CPNE4: variants seen among roughly 807,000 people sequenced by gnomAD.
CPNE4 encodes the protein copine-4.
In CPNE4, 25 loss-of-function variants were observed where a neutral mutation model predicts 67.9. The ratio of observed to expected loss-of-function variants is 0.37; its 90% CI spans 0.27 to 0.51. The LOEUF (loss-of-function observed/expected upper bound fraction) is 0.51, where lower values mean the gene tolerates loss of function less well. CPNE4 is among the 20% of genes least tolerant of loss of function. The probability of loss-of-function intolerance (pLI) is 0.93; values close to 1 mark genes in which losing one functional copy is unlikely to be tolerated. For synonymous variants in CPNE4, 242 were observed against 244.9 expected (o/e 0.99, Z 0.11); for missense variants, 464 against 690.8 (o/e 0.67, Z 3.68).
chr3:131,688,657 T>C (rs1039014903), intron 5 of CPNE4, among the ~76,000 whole-genome samples: 1 of 152,284 alleles, frequency 6.6e-6, no homozygotes. Flanking sequence ...CTAACCACAA[T>C]GTAAGAACTT....
chr3:131,762,146 C>T (rs2082904111), intron 2 of CPNE4, among the ~76,000 whole-genome samples: 1 of 152,018 alleles, frequency 6.6e-6, no homozygotes, highest in Admixed American at 6.6e-5. Flanking sequence ...TCCTCATTCT[C>T]TCTGTGGTTA....
At position 131,688,925 on chromosome 3, in the gene CPNE4, G is replaced by T. The variant is rs183637859; in HGVS notation, c.508-2967C>A. Among the ~76,000 whole-genome samples the T allele has an allele frequency of 2.0e-5, 3 of 151,962 alleles. No homozygotes were observed. In the East Asian group the frequency reaches 5.8e-4, roughly 29 times the overall value. On this transcript the variant is annotated intron_variant, in intron 5 of 15. Coordinates refer to ENST00000429747, the MANE Select transcript of CPNE4 (RefSeq NM_130808.3). The stretch of plus-strand genomic sequence containing the variant: ...ATTTAGTACCCTATTTCTTTTGCTT[G>T]TTGTATACATATTTACATGTTGTAT...
intron 2 of CPNE4, among the ~76,000 whole-genome samples, chr3:131,875,494 T>C (rs1386542919): frequency 6.6e-6 from 1 of 152,116 alleles, no homozygotes; most frequent in Non-Finnish European, 1.5e-5. Flanking sequence ...TGGAATACTA[T>C]GCAGCCATAA....
At chr3:131,824,769 T>C (rs1457214095) in intron 2 of CPNE4, among the ~76,000 whole-genome samples, 1 of 152,102 alleles carries the variant, frequency 6.6e-6, no homozygotes, top group Non-Finnish European at 1.5e-5. Flanking sequence ...ATAAAAAGTG[T>C]CCTTCTGCTT....
intron 1 of CPNE4, among the ~76,000 whole-genome samples, chr3:131,941,171 G>A (rs1466799347): frequency 6.6e-6 from 1 of 151,976 alleles, no homozygotes; most frequent in African/African-American, 2.4e-5. Flanking sequence ...CAGAAATTTT[G>A]CAAGCTGGTT....
intron 11 of CPNE4, among the ~76,000 whole-genome samples, chr3:131,563,681 A>T: frequency 6.6e-6 from 1 of 152,164 alleles, no homozygotes; most frequent in South Asian, 2.1e-4. Context: ...TAAGCTGTGG[A>T]GTGGGTAGAC....
intron 2 of CPNE4, among the ~76,000 whole-genome samples, chr3:131,881,809 A>G (rs866497552): frequency 6.6e-6 from 1 of 152,164 alleles, no homozygotes; most frequent in Non-Finnish European, 1.5e-5. Flanking sequence ...TACGTAAGAG[A>G]GGGAAACAGC....
intron 2 of CPNE4, among the ~76,000 whole-genome samples, chr3:131,832,478 A>AGT (rs2085412657): frequency 6.6e-6 from 1 of 152,114 alleles, no homozygotes; most frequent in African/African-American, 2.4e-5. Context: ...CTGGTGACAC[A>AGT]CTCAGTGGGC....
At chr3:131,717,239 G>GT (rs373100862) in intron 3 of CPNE4, among the ~76,000 whole-genome samples, 8,293 of 143,112 alleles carry the variant, frequency 0.058, 646 homozygotes, top group African/African-American at 0.18. Flanking sequence ...CTCAACAAAG[G>GT]TTTTTTTTTT....
intron 9 of CPNE4, among the ~76,000 whole-genome samples, chr3:131,576,661 C>T (rs1268023146): frequency 6.6e-6 from 1 of 151,986 alleles, no homozygotes; most frequent in African/African-American, 2.4e-5. Flanking sequence ...CATGGGGAAG[C>T]ACCAGGATAG....
At chr3:131,951,808 G>A (rs921280534) in intron 1 of CPNE4, among the ~76,000 whole-genome samples, 13 of 151,984 alleles carry the variant, frequency 8.6e-5, no homozygotes, top group African/African-American at 1.7e-4. Context: ...CGAGTGATCC[G>A]CCAGCCTCGG....
intron 3 of CPNE4, among the ~76,000 whole-genome samples, chr3:131,700,748 A>G (rs1048991902): frequency 1.3e-5 from 2 of 152,228 alleles, no homozygotes; most frequent in East Asian, 1.9e-4. Flanking sequence ...TACTGGGTAC[A>G]TACCCAAAGG....
chr3:131,571,789 T>C (rs1374065440), intron 10 of CPNE4, among the ~76,000 whole-genome samples: 2 of 151,972 alleles, frequency 1.3e-5, no homozygotes, highest in Admixed American at 6.6e-5. Context: ...TCAATATCCT[T>C]TGGAACATGC....
rs941156306 is a variant in CPNE4 at position 131,727,582 on chromosome 3, G to A, written c.181-3957C>T. Among the ~76,000 whole-genome samples the A allele has an allele frequency of 3.9e-5, 6 of 151,986 alleles. No homozygotes were observed. The South Asian group carries it at 8.3e-4, about 21-fold the overall frequency. ...CATTTAAAAAAAACAGCATTATTGA[G>A]GCATAATTTGCATATAATAAACCAC... On this transcript the variant is annotated intron_variant, in intron 2 of 15. Transcript: ENST00000429747.
chr3:131,826,071 A>ACCT (rs752449976), intron 2 of CPNE4, among the ~76,000 whole-genome samples: 25 of 152,196 alleles, frequency 1.6e-4, no homozygotes, highest in Non-Finnish European at 2.1e-4. Flanking sequence ...CTCATCATAA[A>ACCT]CATTGTCTTC....
chr3:131,957,881 G>A (rs2072023129), intron 1 of CPNE4, among the ~76,000 whole-genome samples: 1 of 152,216 alleles, frequency 6.6e-6, no homozygotes, highest in Non-Finnish European at 1.5e-5. Context: ...CAGAGGTTTG[G>A]AAGTTTTATT....
At chr3:131,670,753 A>C (rs578063342) in intron 6 of CPNE4, among the ~76,000 whole-genome samples, 1 of 152,094 alleles carries the variant, frequency 6.6e-6, no homozygotes, top group Non-Finnish European at 1.5e-5. Context: ...GTTAAATGGA[A>C]TTCTGTCATA....
chr3:131,583,115 C>A (rs927810967), intron 8 of CPNE4, among the ~76,000 whole-genome samples: 1 of 152,130 alleles, frequency 6.6e-6, no homozygotes, highest in East Asian at 1.9e-4. Context: ...ATATGGAATT[C>A]TTGGGTGAAA....
In CPNE4 at chr3:131,806,235, T is replaced by G. The variant is rs532340914; in HGVS notation, c.181-82610A>C. On this transcript the variant is annotated intron_variant, in intron 2 of 15. Coordinates refer to ENST00000429747, the MANE Select transcript of CPNE4 (RefSeq NM_130808.3). Reference sequence around the variant, plus strand: ...TTTAATTTAAAATATGAACTTTGCCTTAAATATTAATTAGAACATAAAATT... The same window carrying G: ...TTTAATTTAAAATATGAACTTTGCCGTAAATATTAATTAGAACATAAAATT... Among the ~76,000 whole-genome samples, 9 of 152,316 alleles carry G rather than the reference T, an allele frequency of 5.9e-5. No individual in the cohort carries two copies. In the East Asian group the frequency reaches 1.7e-3, roughly 29 times the overall value.
Sources: allele counts gnomAD v4.1 joint callset (sites outside exome capture counted in the v4.1 genomes callset), GRCh38; gene constraint gnomAD v4.1.1; transcripts MANE v1.5; gene names NCBI Gene and HGNC (gene_info 2026-07-23, HGNC 2026-07-21).